XRCC4: variants seen among roughly 807,000 people sequenced by gnomAD.
The protein encoded by XRCC4 is DNA repair protein XRCC4.
XRCC4 carries 28 observed loss-of-function variants against 39.1 expected under a neutral mutation model. The observed-to-expected ratio is 0.72, with a 90% CI of 0.53 to 0.98. The LOEUF (loss-of-function observed/expected upper bound fraction) is 0.98. Among genes scored for constraint, XRCC4 ranks in the 50% least tolerant of loss-of-function variants. XRCC4 has a pLI of 0.00. For synonymous variants in XRCC4, 123 were observed against 126.4 expected (o/e 0.97, Z 0.18); for missense variants, 350 against 376.4 (o/e 0.93, Z 0.58).
intron 7 of XRCC4, among the ~76,000 whole-genome samples, chr5:83,321,613 GA>G (rs1370423224): frequency 1.3e-5 from 2 of 152,008 alleles, no homozygotes; most frequent in Non-Finnish European, 2.9e-5. Context: ...ATACTATGAA[GA>G]ACATGAATGT....
At chr5:83,095,555 C>CT (rs1319445855) in intron 1 of XRCC4, among the ~76,000 whole-genome samples, 1 of 152,118 alleles carries the variant, frequency 6.6e-6, no homozygotes, top group African/African-American at 2.4e-5. Context: ...ATGGTGGAGG[C>CT]TGGCAAGCCT....
chr5:83,324,566 A>G (rs933172671), intron 7 of XRCC4, among the ~76,000 whole-genome samples: 2 of 152,180 alleles, frequency 1.3e-5, no homozygotes, highest in African/African-American at 2.4e-5. Flanking sequence ...TTTTAAGTAC[A>G]TAAGATGCCA....
intron 6 of XRCC4, among the ~76,000 whole-genome samples, chr5:83,219,314 T>C (rs1422200504): frequency 1.3e-5 from 2 of 151,532 alleles, no homozygotes; most frequent in Admixed American, 1.3e-4. Context: ...TGTTGGGGGG[T>C]GAGGGGGATT....
At chr5:83,227,319 T>C (rs976621586) in intron 6 of XRCC4, among the ~76,000 whole-genome samples, 3 of 152,124 alleles carry the variant, frequency 2.0e-5, no homozygotes, top group African/African-American at 7.2e-5. Flanking sequence ...CTTAAATTAA[T>C]GAATACAATT....
At chr5:83,320,354 T>TAATAAAA (rs1047206688) in intron 7 of XRCC4, among the ~76,000 whole-genome samples, 2 of 124,390 alleles carry the variant, frequency 1.6e-5, no homozygotes, top group African/African-American at 6.2e-5. Flanking sequence ...ACTTAAAGTA[T>TAATAAAA]AATAAAAAAT....
At chr5:83,164,802 A>G (rs1749382407) in intron 3 of XRCC4, among the ~76,000 whole-genome samples, 1 of 152,120 alleles carries the variant, frequency 6.6e-6, no homozygotes. Context: ...CAGATTAAGT[A>G]AGGGTACATC....
At position 83,309,296 on chromosome 5, in the gene XRCC4, A is replaced by AATATATATATATATAT. The variant is rs1225850304; in HGVS notation, c.894-43825_894-43810dup. Among the ~76,000 whole-genome samples, 99 of 72,198 alleles carry AATATATATATATATAT rather than the reference A, an allele frequency of 1.4e-3. 2 individuals are homozygous for AATATATATATATATAT. The East Asian group carries it at 0.019, about 14-fold the overall frequency. 47.4% of individuals were successfully genotyped at this position (72,198 alleles called of 152,430 possible). On this transcript the variant is annotated intron_variant, in intron 7 of 7. Coordinates refer to ENST00000396027, the MANE Select transcript of XRCC4 (RefSeq NM_003401.5). ...AAAAAAAAAAAAAAAAAAAAAAAAA[A>AATATATATATATATAT]ATATATATATATATATATATATATA...
the XRCC4 span, among the ~76,000 whole-genome samples, chr5:83,364,463 C>T: frequency 6.6e-6 from 1 of 152,142 alleles, no homozygotes; most frequent in Admixed American, 6.5e-5. Flanking sequence ...ATGAGTCAGT[C>T]TTCCAGTACA....
intron 3 of XRCC4, among the ~76,000 whole-genome samples, chr5:83,133,086 G>A (rs1747686423): frequency 6.6e-6 from 1 of 152,096 alleles, no homozygotes; most frequent in Non-Finnish European, 1.5e-5. Flanking sequence ...TGTCCTTCCT[G>A]TTTGTTATTT....
intron 1 of XRCC4, among the ~76,000 whole-genome samples, chr5:83,102,044 CA>C (rs1435577191): frequency 6.6e-6 from 1 of 150,874 alleles, no homozygotes; most frequent in Non-Finnish European, 1.5e-5. Context: ...ACCCTCAACA[CA>C]ACCCCTATCA....
At chr5:83,122,026 A>G (rs2112446276) in intron 3 of XRCC4, among the ~76,000 whole-genome samples, 1 of 152,232 alleles carries the variant, frequency 6.6e-6, no homozygotes, top group Middle Eastern at 3.4e-3. Context: ...TGCCCCATCA[A>G]TCTATTTGTT....
intron 4 of XRCC4, among the ~76,000 whole-genome samples, chr5:83,198,271 G>T (rs1309611810): frequency 1.3e-5 from 2 of 152,086 alleles, no homozygotes; most frequent in African/African-American, 4.8e-5. Context: ...ACATATGAAG[G>T]GATGGGAGGG....
intron 1 of XRCC4, among the ~76,000 whole-genome samples, chr5:83,084,698 C>T (rs1745103076): frequency 6.6e-6 from 1 of 152,124 alleles, no homozygotes; most frequent in African/African-American, 2.4e-5. Context: ...AGTTTGTTAA[C>T]AGTATCTCTG....
intron 7 of XRCC4, among the ~76,000 whole-genome samples, chr5:83,331,379 GCA>G (rs1190293370): frequency 1.2e-4 from 18 of 152,004 alleles, no homozygotes; most frequent in Non-Finnish European, 1.5e-5. Context: ...TACTTTGTTT[GCA>G]TTGAATCCAT....
intron 1 of XRCC4, among the ~76,000 whole-genome samples, chr5:83,089,294 T>C (rs1188706541): frequency 6.6e-6 from 1 of 152,248 alleles, no homozygotes; most frequent in African/African-American, 2.4e-5. Flanking sequence ...GTGAGCTTTC[T>C]GCTGAGTGAT....
intron 6 of XRCC4, among the ~76,000 whole-genome samples, chr5:83,241,233 ACT>A (rs1012620492): frequency 1.6e-4 from 24 of 147,660 alleles, no homozygotes; most frequent in Non-Finnish European, 2.7e-4. Flanking sequence ...ACAAAGTAAG[ACT>A]CTGTCAAAAA....
At chr5:83,106,499 T>C (rs904412091) in intron 2 of XRCC4, among the ~76,000 whole-genome samples, 15 of 152,202 alleles carry the variant, frequency 9.9e-5, no homozygotes, top group Middle Eastern at 3.4e-3. Flanking sequence ...TGAATTCTAA[T>C]CTAGTCCATA....
the XRCC4 span, among the ~76,000 whole-genome samples, chr5:83,363,943 A>G: frequency 6.6e-6 from 1 of 152,172 alleles, no homozygotes; most frequent in Non-Finnish European, 1.5e-5. Context: ...TGCTGTTAGA[A>G]GCAGTGTTCA....
the XRCC4 span, among the ~76,000 whole-genome samples, chr5:83,368,597 C>A: frequency 6.6e-6 from 1 of 152,162 alleles, no homozygotes; most frequent in East Asian, 1.9e-4. Context: ...AGGGAGTGGG[C>A]TCCCCTGGTG....
Sources: allele counts gnomAD v4.1 joint callset (sites outside exome capture counted in the v4.1 genomes callset), GRCh38; gene constraint gnomAD v4.1.1; transcripts MANE v1.5; gene names NCBI Gene and HGNC (gene_info 2026-07-23, HGNC 2026-07-21).